The following FMN2 variants were observed in gnomAD, a reference collection of about 807,000 sequenced individuals.
The protein encoded by FMN2 is formin 2, also known as formin-2.
In FMN2, 51 loss-of-function variants were observed where a neutral mutation model predicts 142.3. The ratio of observed to expected loss-of-function variants is 0.36; its 90% confidence interval spans 0.29 to 0.45. The LOEUF is 0.45. Ranked by LOEUF, FMN2 falls within the 20% of genes least tolerant of loss-of-function variation. FMN2 has a pLI of 1.00. For missense variants in FMN2, 1,936 were observed against 2,122.8 expected (o/e 0.91, Z 1.73); for synonymous variants, 882 against 869.8 (o/e 1.01, Z -0.25).
chr1:240,343,539 C>G (rs777105255), intron 13 of FMN2, among the ~76,000 whole-genome samples: 1 of 152,034 alleles, frequency 6.6e-6, no homozygotes. Context: ...TAGTAACAAC[C>G]GTGATAAAAT....
rs1159072742 is a variant in FMN2 at position 240,475,095 on chromosome 1, A to G, written c.*941A>G. ...CATTTAACAAAGATCGCTATGTGCA[A>G]TACTGTATTTAGTGTTTCTATTTCA... On this transcript the variant is annotated 3_prime_UTR_variant, in exon 18 of 18. Coordinates refer to ENST00000319653, the MANE Select transcript of FMN2 (RefSeq NM_020066.5). 2.6e-5 allele frequency: 4 copies of G among 152,574 alleles called. No homozygotes were observed. The highest frequency in any genetic ancestry group is 5.9e-5 in the Non-Finnish European group (4 of 68,022). The allele number at this position is 152,574 out of a possible 1,614,324, so 9.5% of individuals were successfully genotyped here. A position where few individuals can be genotyped will look rare whatever the true frequency, so the allele number is the denominator to read the frequency against.
At chr1:240,095,651 G>C (rs1307990087) in intron 1 of FMN2, among the ~76,000 whole-genome samples, 1 of 151,978 alleles carries the variant, frequency 6.6e-6, no homozygotes, top group African/African-American at 2.4e-5. Context: ...TGGTGGCAAG[G>C]GGTGAGGGAA....
intron 15 of FMN2, among the ~76,000 whole-genome samples, chr1:240,420,207 G>A (rs1298993673): frequency 6.6e-6 from 1 of 152,052 alleles, no homozygotes; most frequent in Non-Finnish European, 1.5e-5. Context: ...CTCTGGGTGG[G>A]GCCTCTGGGA....
chr1:240,449,850 C>T (rs1675945325), intron 16 of FMN2, among the ~76,000 whole-genome samples: 1 of 152,116 alleles, frequency 6.6e-6, no homozygotes, highest in Non-Finnish European at 1.5e-5. Context: ...TCTTGATATA[C>T]ATTGTTAAGT....
At chr1:240,210,825 A>G (rs2103401815) in intron 5 of FMN2, among the ~76,000 whole-genome samples, 1 of 152,284 alleles carries the variant, frequency 6.6e-6, no homozygotes, top group Middle Eastern at 3.4e-3. Context: ...TTACATTTTT[A>G]TACAGTGGCC....
chr1:240,346,344 A>G (rs1671906916), intron 13 of FMN2, among the ~76,000 whole-genome samples: 1 of 152,120 alleles, frequency 6.6e-6, no homozygotes, highest in Non-Finnish European at 1.5e-5. Flanking sequence ...TACAAATATT[A>G]TTTGTATACA....
chr1:240,354,581 C>T (rs149885101), intron 13 of FMN2, among the ~76,000 whole-genome samples: 5 of 152,222 alleles, frequency 3.3e-5, no homozygotes, highest in East Asian at 3.9e-4. Context: ...GAGAAGCAGA[C>T]GGGCAGAGAG....
At chr1:240,271,644 T>C (rs1306547426) in intron 7 of FMN2, among the ~76,000 whole-genome samples, 2 of 152,034 alleles carry the variant, frequency 1.3e-5, no homozygotes, top group African/African-American at 4.8e-5. Flanking sequence ...AATTAGAAAT[T>C]TGAGAAGAAA....
chr1:240,413,888 G>A (rs1674498420), intron 15 of FMN2, among the ~76,000 whole-genome samples: 1 of 152,180 alleles, frequency 6.6e-6, no homozygotes, highest in Admixed American at 6.5e-5. Flanking sequence ...CTGCCGTGAG[G>A]CTCCTTGCTC....
At chr1:240,205,292 T>C (rs1666290670) in intron 4 of FMN2, among the ~76,000 whole-genome samples, 1 of 152,142 alleles carries the variant, frequency 6.6e-6, no homozygotes, top group Admixed American at 6.5e-5. Context: ...TCCACATCTG[T>C]ATGAGCAGTA....
chr1:240,458,476 C>A (rs1433320277), intron 16 of FMN2: 1 of 152,094 alleles, frequency 6.6e-6, no homozygotes, highest in East Asian at 1.9e-4. Flanking sequence ...AAAAGTCTTA[C>A]TAAACAAAAA....
chr1:240,405,030 A>G (rs1674100997), intron 15 of FMN2, among the ~76,000 whole-genome samples: 1 of 152,170 alleles, frequency 6.6e-6, no homozygotes, highest in Non-Finnish European at 1.5e-5. Context: ...CCACCCCAAT[A>G]TTTAAAAATA....
intron 2 of FMN2, among the ~76,000 whole-genome samples, chr1:240,165,376 G>C (rs1184790955): frequency 6.6e-6 from 1 of 152,016 alleles, no homozygotes; most frequent in Non-Finnish European, 1.5e-5. Flanking sequence ...GGGTCTCTCT[G>C]TGTTATCTAG....
At chr1:240,328,695 T>C (rs927208382) in intron 8 of FMN2, among the ~76,000 whole-genome samples, 1 of 152,060 alleles carries the variant, frequency 6.6e-6, no homozygotes, top group Non-Finnish European at 1.5e-5. Context: ...GTTCAGGTGA[T>C]TCTCCTGCCT....
At chr1:240,425,431 G>A (rs1674906261) in intron 15 of FMN2, among the ~76,000 whole-genome samples, 1 of 152,180 alleles carries the variant, frequency 6.6e-6, no homozygotes, top group African/African-American at 2.4e-5. Context: ...TTATGATTCT[G>A]AAAGTCAGCT....
chr1:240,093,044 C>G lies in FMN2; in HGVS notation c.935C>G (p.Pro312Arg). Residue 312 changes from proline (P) to arginine (R), a missense_variant, in exon 1 of 18, where the codon CCC (proline) becomes CGC (arginine). This residue lies in a region of FMN2 where 751 missense variants were observed against 791.8 expected (regional missense o/e 0.95). Transcript: ENST00000319653. ...SEAPSLPAAQPAAKDSPSSTA... is the reference protein window; with the variant it reads ...SEAPSLPAAQRAAKDSPSSTA... Reference sequence around the variant, plus strand: ...GCGCCCAGTCTCCCGGCAGCGCAACCCGCGGCCAAAGACTCGCCCTCCTCC... The same window carrying G: ...GCGCCCAGTCTCCCGGCAGCGCAACGCGCGGCCAAAGACTCGCCCTCCTCC... 4.3e-6 allele frequency: 6 copies of G among 1,393,214 alleles called. 1 individual carries two copies. In the South Asian group the frequency reaches 8.1e-5, roughly 19 times the overall value. The allele number at this position is 1,393,214 out of a possible 1,614,324, so 86.3% of individuals were successfully genotyped here. A position where few individuals can be genotyped will look rare whatever the true frequency, so the allele number is the denominator to read the frequency against.
chr1:240,435,553 A>G (rs1418357988), intron 15 of FMN2, among the ~76,000 whole-genome samples: 1 of 152,094 alleles, frequency 6.6e-6, no homozygotes, highest in Non-Finnish European at 1.5e-5. Context: ...TATGTAATAT[A>G]AAATACATTT....
intron 14 of FMN2, among the ~76,000 whole-genome samples, chr1:240,379,988 A>C (rs1673171774): frequency 6.6e-6 from 1 of 152,150 alleles, no homozygotes; most frequent in African/African-American, 2.4e-5. Flanking sequence ...CATTTAAAAA[A>C]ACATATTGGT....
chr1:240,227,186 G>A (rs543467349), intron 6 of FMN2, among the ~76,000 whole-genome samples: 32 of 152,250 alleles, frequency 2.1e-4, no homozygotes, highest in African/African-American at 7.7e-4. Flanking sequence ...ATGTAATTAG[G>A]AAAACAACTC....
Sources: gnomAD v4.1 joint callset for allele counts (sites outside exome capture counted in the v4.1 genomes callset) on GRCh38, gnomAD v4.1.1 for gene constraint, gnomAD v4.1.1 regional missense constraint, MANE v1.5 for transcripts, NCBI Gene and HGNC (gene_info 2026-07-23, HGNC 2026-07-21) for gene names.